The following FBXL17 variants were observed in gnomAD, a reference collection of about 807,000 sequenced individuals.
The protein encoded by FBXL17 is F-box and leucine rich repeat protein 17.
Under a neutral mutation model 66.2 loss-of-function variants are expected in FBXL17, and 22 were observed. The observed-to-expected ratio is 0.33, with a 90% CI of 0.24 to 0.47. The LOEUF (loss-of-function observed/expected upper bound fraction) is 0.47, where lower values mean the gene tolerates loss of function less well. Ranked by LOEUF, FBXL17 falls within the 20% of genes least tolerant of loss-of-function variation. The pLI, the probability that FBXL17 is intolerant of heterozygous loss-of-function variation, is 1.00. For synonymous variants in FBXL17, 474 were observed against 400.5 expected (o/e 1.18, Z -2.19); for missense variants, 878 against 948.2 (o/e 0.93, Z 0.97).
chr5:107,991,056 G>C (rs1280054689), intron 7 of FBXL17, among the ~76,000 whole-genome samples: 2 of 152,118 alleles, frequency 1.3e-5, no homozygotes, highest in Non-Finnish European at 2.9e-5. Flanking sequence ...AGCTAACACT[G>C]ATGTGTGGCA....
At chr5:108,341,165 GA>G (rs1158556301) in intron 4 of FBXL17, among the ~76,000 whole-genome samples, 1 of 151,956 alleles carries the variant, frequency 6.6e-6, no homozygotes, top group Non-Finnish European at 1.5e-5. Context: ...TACTAACAAT[GA>G]AAAAGAATGA....
chr5:108,302,967 A>T (rs1052757157), intron 4 of FBXL17, among the ~76,000 whole-genome samples: 6 of 151,844 alleles, frequency 4.0e-5, no homozygotes, highest in African/African-American at 1.4e-4. Flanking sequence ...CCTAACACAT[A>T]AACCTGCAAA....
intron 6 of FBXL17, among the ~76,000 whole-genome samples, chr5:108,132,401 T>C (rs1750971923): frequency 1.3e-5 from 2 of 152,316 alleles, no homozygotes; most frequent in African/African-American, 4.8e-5. Flanking sequence ...TAGTGTTATA[T>C]ATAAAAGAAC....
chr5:108,381,013 CGCCGCCGCCGCCGCCGCCGCA>C lies in FBXL17; in HGVS notation c.658_678del (p.Cys220_Gly226del). On this transcript the variant is annotated inframe_deletion, in exon 1 of 9. Coordinates refer to ENST00000542267, the MANE Select transcript of FBXL17 (RefSeq NM_001163315.3). ...CCCCCCGCAGGCCCTCCCCCGCCAC[CGCCGCCGCCGCCGCCGCCGCA>C]GCCCCCGCCGCCGCAGCGGGGCTGC... 20 of 1,029,816 alleles carry C rather than the reference CGCCGCCGCCGCCGCCGCCGCA, an allele frequency of 1.9e-5. No homozygotes were observed. Among genetic ancestry groups the C allele is most frequent in the Non-Finnish European group, 2.4e-5 (20 of 832,566 alleles). 63.8% of individuals were successfully genotyped at this position (1,029,816 alleles called of 1,614,324 possible). A position where few individuals can be genotyped will look rare whatever the true frequency, so the allele number is the denominator to read the frequency against.
At chr5:108,209,281 T>A (rs2922414) in intron 5 of FBXL17, among the ~76,000 whole-genome samples, 46,335 of 152,048 alleles carry the variant, frequency 0.3, 7,300 homozygotes, top group Middle Eastern at 0.38. Context: ...ACTTCCTCTC[T>A]TCCTATCTGA....
At chr5:107,985,233 C>A (rs968342249) in intron 7 of FBXL17, among the ~76,000 whole-genome samples, 3 of 152,148 alleles carry the variant, frequency 2.0e-5, no homozygotes, top group Admixed American at 2.0e-4. Flanking sequence ...ACTCCTGTGA[C>A]CAAATTAATT....
chr5:107,925,766 C>A (rs1750505668), intron 7 of FBXL17, among the ~76,000 whole-genome samples: 1 of 152,140 alleles, frequency 6.6e-6, no homozygotes, highest in Admixed American at 6.6e-5. Context: ...TCCCCATTCC[C>A]CTACCAGTAT....
chr5:108,058,288 A>G (rs1363383513), intron 6 of FBXL17, among the ~76,000 whole-genome samples: 1 of 152,204 alleles, frequency 6.6e-6, no homozygotes, highest in Non-Finnish European at 1.5e-5. Flanking sequence ...ACTGAGGTAA[A>G]TGTGATTGCA....
chr5:108,021,256 A>G (rs1269257664), intron 6 of FBXL17, among the ~76,000 whole-genome samples: 1 of 150,848 alleles, frequency 6.6e-6, no homozygotes, highest in Non-Finnish European at 1.5e-5. Context: ...GTAATGTTAC[A>G]TTTGGTAATA....
At position 107,879,210 on chromosome 5, in the gene FBXL17, A is replaced by G. The variant is rs1007529310; in HGVS notation, c.1965+1827T>C. ...AAGATTACAGGTTAGAAATATGACA[A>G]TTTCTGAGAATGGCTGCGGACACAT... On this transcript the variant is annotated intron_variant, in intron 8 of 8. Coordinates refer to ENST00000542267, the MANE Select transcript of FBXL17 (RefSeq NM_001163315.3). The G allele has an allele frequency of 5.1e-6, 5 of 985,336 alleles. No individual in the cohort carries two copies. In the African/African-American group the frequency reaches 7.0e-5, roughly 14 times the overall value. 61.0% of individuals were successfully genotyped at this position (985,336 alleles called of 1,614,324 possible).
At chr5:108,219,833 CTATCT>C (rs1310131998) in intron 5 of FBXL17, among the ~76,000 whole-genome samples, 1 of 150,976 alleles carries the variant, frequency 6.6e-6, no homozygotes, top group African/African-American at 2.4e-5. Context: ...TCAATTTTAT[CTATCT>C]TATCAAATCA....
intron 6 of FBXL17, among the ~76,000 whole-genome samples, chr5:108,104,831 T>TTTTTG (rs1182288003): frequency 1.8e-4 from 28 of 152,002 alleles, no homozygotes; most frequent in African/African-American, 6.3e-4. Context: ...ACAATTATGT[T>TTTTTG]TTTTGTTTTG....
At chr5:108,176,450 T>C (rs1179728297) in intron 6 of FBXL17, among the ~76,000 whole-genome samples, 1 of 152,136 alleles carries the variant, frequency 6.6e-6, no homozygotes, top group Non-Finnish European at 1.5e-5. Context: ...TGTTCACTTA[T>C]GCACTATTGC....
At chr5:107,969,341 C>T (rs1752279430) in intron 7 of FBXL17, among the ~76,000 whole-genome samples, 1 of 152,032 alleles carries the variant, frequency 6.6e-6, no homozygotes, top group African/African-American at 2.4e-5. Context: ...TTTAACAAAT[C>T]TCTGAAAAAT....
At chr5:108,172,269 T>C (rs1752634224) in intron 6 of FBXL17, among the ~76,000 whole-genome samples, 1 of 152,176 alleles carries the variant, frequency 6.6e-6, no homozygotes, top group African/African-American at 2.4e-5. Flanking sequence ...GAACAGAAGT[T>C]GCAAGGCTTC....
At chr5:107,993,242 A>T (rs537799285) in intron 7 of FBXL17, among the ~76,000 whole-genome samples, 1 of 151,806 alleles carries the variant, frequency 6.6e-6, no homozygotes, top group South Asian at 2.1e-4. Flanking sequence ...TTATTCCTCA[A>T]TTTTTTTCTC....
At chr5:107,879,698 C>A in intron 8 of FBXL17, 2 of 985,442 alleles carry the variant, frequency 2.0e-6, no homozygotes, top group South Asian at 4.7e-5. Flanking sequence ...CTTTGAATGG[C>A]GTGTCTATTT....
chr5:108,380,930 G>T lies in FBXL17; in HGVS notation c.762C>A (p.Pro254=). Residue 254 remains proline, a synonymous_variant, in exon 1 of 9, where the codon CCC becomes CCA. Coordinates refer to ENST00000542267, the MANE Select transcript of FBXL17 (RefSeq NM_001163315.3). ...DAGCCQAPEQ[P]PQPLCPPPSS... ...AGGGCGGAGGGCAGAGCGGCTGCGG[G>T]GGCTGCTCCGGGGCCTGGCAGCAGC... 8.2e-7 allele frequency: 1 copy of T among 1,221,080 alleles called. No homozygotes were observed. The highest frequency in any genetic ancestry group is 4.1e-5 in the South Asian group (1 of 24,128). The allele number at this position is 1,221,080 out of a possible 1,614,324, so 75.6% of individuals were successfully genotyped here.
chr5:108,012,958 C>G (rs899595999), intron 7 of FBXL17, among the ~76,000 whole-genome samples: 1 of 143,778 alleles, frequency 7.0e-6, no homozygotes, highest in Non-Finnish European at 1.5e-5. Context: ...GAGGTTGCGT[C>G]AGCCAAGATC....
Sources: gnomAD v4.1 joint callset for allele counts (sites outside exome capture counted in the v4.1 genomes callset) on GRCh38, gnomAD v4.1.1 for gene constraint, MANE v1.5 for transcripts, NCBI Gene and HGNC (gene_info 2026-07-23, HGNC 2026-07-21) for gene names.